Variants in TMEM177 observed in about 807,000 individuals in gnomAD.
TMEM177 encodes transmembrane protein 177.
Under a neutral mutation model 14.2 loss-of-function variants are expected in TMEM177, and 4 were observed. That is an observed-to-expected ratio of 0.28 (90% CI 0.14 to 0.64). TMEM177 has a LOEUF of 0.64. TMEM177 is among the 30% of genes least tolerant of loss of function. TMEM177 has a pLI of 0.82. For missense variants in TMEM177, 344 were observed against 405.2 expected (o/e 0.85, Z 1.30); for synonymous variants, 179 against 174.5 (o/e 1.03, Z -0.20).
the TMEM177 span, among the ~76,000 whole-genome samples, chr2:119,714,086 C>T: frequency 1.3e-5 from 2 of 152,158 alleles, no homozygotes; most frequent in Non-Finnish European, 2.9e-5. Flanking sequence ...GCCTTGTGTG[C>T]CATGTTGGAG....
downstream of TMEM177, among the ~76,000 whole-genome samples, chr2:119,691,221 G>T (rs144119776): frequency 5.5e-3 from 845 of 152,306 alleles, 8 homozygotes; most frequent in African/African-American, 0.019. Flanking sequence ...GCAACTCACT[G>T]CTGTGGGCAC....
the TMEM177 span, among the ~76,000 whole-genome samples, chr2:119,705,069 C>G: frequency 1.3e-5 from 2 of 152,174 alleles, no homozygotes; most frequent in African/African-American, 4.8e-5. Flanking sequence ...TCTTTTTAAG[C>G]AGCTGACAAA....
chr2:119,696,416 A>C, the TMEM177 span, among the ~76,000 whole-genome samples: 27 of 152,202 alleles, frequency 1.8e-4, no homozygotes, highest in Admixed American at 4.6e-4. Flanking sequence ...CAAACCTGCC[A>C]CATCCCTACC....
downstream of TMEM177, among the ~76,000 whole-genome samples, chr2:119,690,522 T>C (rs113991783): frequency 3.7e-3 from 570 of 152,254 alleles, 2 homozygotes; most frequent in African/African-American, 0.013. Context: ...AGGGTGCTCA[T>C]GCCAAACCCT....
chr2:119,695,147 GTC>G, the TMEM177 span, among the ~76,000 whole-genome samples: 1 of 152,238 alleles, frequency 6.6e-6, no homozygotes, highest in Non-Finnish European at 1.5e-5. Flanking sequence ...GTAGGAAAGA[GTC>G]TCTCTGTGTC....
In TMEM177 at chr2:119,681,756, G is replaced by A. The variant is rs373875555; in HGVS notation, c.903G>A (p.Met301Ile). 3.1e-6 allele frequency: 5 copies of A among 1,614,006 alleles called. No homozygotes were observed. The highest frequency in any genetic ancestry group is 1.3e-5 in the African/African-American group (1 of 74,946). ...YTTRRDSVLQ[M>I]WRGMLNPGRS is the part of the protein sequence containing the mutation. ...CCCGCCGGGACTCTGTGCTGCAGAT[G>A]TGGAGGGGGATGCTCAATCCGGGCC... Residue 301 changes from methionine to isoleucine, a missense_variant, in exon 2 of 2, where the codon ATG becomes ATA. Physicochemically the swap from Met to Ile is conservative, Grantham distance 10. Transcript: ENST00000272521.
chr2:119,700,654 T>C, the TMEM177 span, among the ~76,000 whole-genome samples: 8 of 152,192 alleles, frequency 5.3e-5, no homozygotes, highest in Non-Finnish European at 1.0e-4. Context: ...GCAAAGGCCA[T>C]GATCTTTTCT....
At chr2:119,701,956 G>T in the TMEM177 span, among the ~76,000 whole-genome samples, 1 of 152,228 alleles carries the variant, frequency 6.6e-6, no homozygotes, top group African/African-American at 2.4e-5. Context: ...TCCATCCAGT[G>T]CAGGGTCTGC....
the TMEM177 span, among the ~76,000 whole-genome samples, chr2:119,692,969 CAAAAAAA>C: frequency 4.2e-4 from 22 of 52,204 alleles, no homozygotes; most frequent in African/African-American, 1.5e-3. Context: ...GAGATTGTCT[CAAAAAAA>C]AAAAAAAAAA....
chr2:119,682,126 GTT>G (rs34879718), downstream of TMEM177: 120 of 141,950 alleles, frequency 8.5e-4, no homozygotes, highest in East Asian at 2.8e-3. Flanking sequence ...CTTCTTGGTC[GTT>G]TTTTTTTTTT....
the TMEM177 span, among the ~76,000 whole-genome samples, chr2:119,720,980 T>C: frequency 1.3e-5 from 2 of 152,222 alleles, no homozygotes; most frequent in African/African-American, 2.4e-5. Context: ...CAGGTTTGTC[T>C]GAAGGTCAGG....
At chr2:119,685,547 TA>T, downstream of TMEM177, 4 of 661,708 alleles carry the variant, frequency 6.0e-6, no homozygotes, top group Middle Eastern at 3.8e-4. Context: ...TATAGTAACA[TA>T]ATGGGGCCTT....
chr2:119,714,439 C>G, the TMEM177 span, among the ~76,000 whole-genome samples: 2 of 152,206 alleles, frequency 1.3e-5, no homozygotes, highest in Non-Finnish European at 2.9e-5. Flanking sequence ...CTCAGTGTTT[C>G]TCATCTTCAA....
the TMEM177 span, among the ~76,000 whole-genome samples, chr2:119,719,967 A>T: frequency 6.6e-6 from 1 of 151,796 alleles, no homozygotes; most frequent in Non-Finnish European, 1.5e-5. Flanking sequence ...CTAATTTTTT[A>T]TCTTTTTTGT....
chr2:119,696,986 C>A, the TMEM177 span, among the ~76,000 whole-genome samples: 1 of 152,166 alleles, frequency 6.6e-6, no homozygotes, highest in Non-Finnish European at 1.5e-5. Context: ...CCAGCTACTC[C>A]GGTCTCTGAG....
the TMEM177 span, among the ~76,000 whole-genome samples, chr2:119,711,413 T>C: frequency 6.6e-6 from 1 of 152,190 alleles, no homozygotes; most frequent in African/African-American, 2.4e-5. Flanking sequence ...TTGCTGGGTA[T>C]TGGGAATTTC....
the TMEM177 span, among the ~76,000 whole-genome samples, chr2:119,707,405 T>C: frequency 1.3e-5 from 2 of 152,230 alleles, no homozygotes; most frequent in Non-Finnish European, 2.9e-5. Context: ...CTGGGACCAC[T>C]GTGGAGAATT....
chr2:119,687,155 CAT>C (rs1689028578), downstream of TMEM177, among the ~76,000 whole-genome samples: 1 of 152,162 alleles, frequency 6.6e-6, no homozygotes, highest in African/African-American at 2.4e-5. Context: ...CTTGGCTTCA[CAT>C]GTTTTATCTT....
At chr2:119,723,234 C>A in the TMEM177 span, among the ~76,000 whole-genome samples, 2 of 152,200 alleles carry the variant, frequency 1.3e-5, no homozygotes, top group Admixed American at 6.5e-5. Context: ...TAAATAAATT[C>A]TTTCCCAGGC....
Sources: gnomAD v4.1 joint callset for allele counts (sites outside exome capture counted in the v4.1 genomes callset) on GRCh38, gnomAD v4.1.1 for gene constraint, MANE v1.5 for transcripts, NCBI Gene and HGNC (gene_info 2026-07-23, HGNC 2026-07-21) for gene names.